CCSER1: variants seen among roughly 807,000 people sequenced by gnomAD.
CCSER1 encodes serine-rich coiled-coil domain-containing protein 1.
Under a neutral mutation model 82.0 loss-of-function variants are expected in CCSER1, and 41 were observed. That is an observed-to-expected ratio of 0.50 (90% CI 0.39 to 0.65). The LOEUF is 0.65. Ranked by LOEUF, CCSER1 falls within the 30% of genes least tolerant of loss-of-function variation. CCSER1 has a pLI of 0.00. For missense variants in CCSER1, 1,119 were observed against 1,064.2 expected (o/e 1.05, Z -0.72); for synonymous variants, 414 against 383.9 (o/e 1.08, Z -0.92).
Position 90,368,797 on chromosome 4 carries a change from T to A in CCSER1, c.1510-31239T>A, listed in dbSNP as rs912037406. On this transcript the variant is annotated intron_variant, in intron 3 of 10. Transcript: ENST00000509176. ...ACACACACACACACTACTAAAAAAA[T>A]TTAAATGACAACCAAAAAGTCTTTT... is the stretch of plus-strand genomic sequence containing the variant. Among the ~76,000 whole-genome samples the A allele has an allele frequency of 5.3e-5, 8 of 151,664 alleles. 1 individual carries two copies. The highest frequency in any genetic ancestry group is 3.9e-4 in the East Asian group (2 of 5,178).
At chr4:90,674,391 A>G (rs1449099374) in intron 6 of CCSER1, among the ~76,000 whole-genome samples, 1 of 151,876 alleles carries the variant, frequency 6.6e-6, no homozygotes, top group Non-Finnish European at 1.5e-5. Flanking sequence ...TGACTCTAGC[A>G]TGATGAAGGG....
At chr4:91,155,204 A>T (rs1034437848) in intron 10 of CCSER1, among the ~76,000 whole-genome samples, 2 of 151,894 alleles carry the variant, frequency 1.3e-5, no homozygotes, top group African/African-American at 4.8e-5. Context: ...CCCACGTTTC[A>T]TGGGAGGGAC....
chr4:91,089,215 A>G (rs576254269), intron 10 of CCSER1, among the ~76,000 whole-genome samples: 11 of 152,354 alleles, frequency 7.2e-5, no homozygotes, highest in African/African-American at 2.6e-4. Flanking sequence ...AGGGGCTGCA[A>G]GCACCAGCAA....
At chr4:91,066,595 A>C (rs1165488336) in intron 9 of CCSER1, among the ~76,000 whole-genome samples, 1 of 152,190 alleles carries the variant, frequency 6.6e-6, no homozygotes, top group African/African-American at 2.4e-5. Flanking sequence ...GTGAATAGAT[A>C]ATTATTCTTC....
chr4:90,146,435 G>A (rs992065745), intron 1 of CCSER1, among the ~76,000 whole-genome samples: 1 of 151,680 alleles, frequency 6.6e-6, no homozygotes, highest in Non-Finnish European at 1.5e-5. Flanking sequence ...TCTCTTTTAC[G>A]GTGCATATTA....
chr4:91,487,128 T>C (rs1758264130), intron 10 of CCSER1, among the ~76,000 whole-genome samples: 1 of 152,136 alleles, frequency 6.6e-6, no homozygotes, highest in Non-Finnish European at 1.5e-5. Context: ...ATACAGGATA[T>C]ATTTTTTGCC....
chr4:91,260,661 A>G (rs990319108), intron 10 of CCSER1, among the ~76,000 whole-genome samples: 1 of 152,212 alleles, frequency 6.6e-6, no homozygotes. Flanking sequence ...AAAAGACTCT[A>G]AAGAGTGATA....
rs570680503 is a variant in CCSER1 at position 90,609,933 on chromosome 4, G to A, written c.1725-18092G>A. ...TAATTTGGATTACAGAAGAAAAAGT[G>A]CTATTTATTCACATAGAATATCAAT... On this transcript the variant is annotated intron_variant, in intron 5 of 10. Transcript: ENST00000509176. Among the ~76,000 whole-genome samples the A allele has an allele frequency of 2.6e-5, 4 of 152,228 alleles. No individual in the cohort carries two copies. In the South Asian group the frequency reaches 8.3e-4, roughly 32 times the overall value.
At chr4:91,323,278 C>T (rs1746317473) in intron 10 of CCSER1, among the ~76,000 whole-genome samples, 1 of 152,132 alleles carries the variant, frequency 6.6e-6, no homozygotes, top group Non-Finnish European at 1.5e-5. Context: ...CAGTGGTTCT[C>T]AAGCTTTAGT....
intron 5 of CCSER1, among the ~76,000 whole-genome samples, chr4:90,576,639 C>T (rs1162189803): frequency 6.6e-6 from 1 of 152,012 alleles, no homozygotes; most frequent in Non-Finnish European, 1.5e-5. Context: ...TTTCAGTTTA[C>T]CTCTTTCGCT....
chr4:90,752,870 C>T (rs1410068263), intron 7 of CCSER1, among the ~76,000 whole-genome samples: 3 of 152,134 alleles, frequency 2.0e-5, no homozygotes, highest in Non-Finnish European at 4.4e-5. Flanking sequence ...ATTTGATTCT[C>T]ATCCCATAAT....
chr4:90,800,224 C>A (rs1756615130), intron 7 of CCSER1, among the ~76,000 whole-genome samples: 1 of 152,102 alleles, frequency 6.6e-6, no homozygotes, highest in Non-Finnish European at 1.5e-5. Flanking sequence ...CAGAAAGGAA[C>A]TTTTAATATA....
intron 7 of CCSER1, among the ~76,000 whole-genome samples, chr4:90,728,860 C>T (rs1455196488): frequency 1.3e-5 from 2 of 152,138 alleles, no homozygotes; most frequent in Non-Finnish European, 2.9e-5. Flanking sequence ...TATCAATCTT[C>T]AACTCTGGGG....
chr4:91,405,505 C>T (rs749128742), intron 10 of CCSER1, among the ~76,000 whole-genome samples: 1 of 152,154 alleles, frequency 6.6e-6, no homozygotes, highest in Non-Finnish European at 1.5e-5. Context: ...AAGAAACTAC[C>T]ATCAGAGTGA....
chr4:90,776,666 T>G (rs1752935034), intron 7 of CCSER1, among the ~76,000 whole-genome samples: 1 of 152,244 alleles, frequency 6.6e-6, no homozygotes, highest in South Asian at 2.1e-4. Flanking sequence ...ATTATTTACA[T>G]GTATTAACAC....
intron 5 of CCSER1, among the ~76,000 whole-genome samples, chr4:90,596,577 CAT>C (rs1783370927): frequency 6.6e-6 from 1 of 151,644 alleles, no homozygotes; most frequent in South Asian, 2.1e-4. Context: ...AGCTTAGGTA[CAT>C]AGTTTACTGC....
intron 7 of CCSER1, among the ~76,000 whole-genome samples, chr4:90,789,323 T>C (rs1754928784): frequency 6.6e-6 from 1 of 152,202 alleles, no homozygotes; most frequent in South Asian, 2.1e-4. Context: ...CCAAAGCTAT[T>C]GTGACACCCT....
intron 10 of CCSER1, among the ~76,000 whole-genome samples, chr4:91,242,555 A>G (rs1432080193): frequency 1.3e-5 from 2 of 152,224 alleles, no homozygotes; most frequent in East Asian, 3.9e-4. Flanking sequence ...GCAAGAAAAC[A>G]TATGAGAAAA....
rs185443433 is a variant in CCSER1, at chr4:91,285,649, G to T, written c.2217+199655G>T. ...TGCAATATTTACCAATATGTACCAC[G>T]ATAAAATGGATATTACCTTCCTAAA... On this transcript the variant is annotated intron_variant, in intron 10 of 10. Transcript: ENST00000509176. Among the ~76,000 whole-genome samples the T allele has an allele frequency of 4.7e-4, 71 of 151,928 alleles. No individual in the cohort carries two copies. In the East Asian group the frequency reaches 0.011, roughly 23 times the overall value.
Sources: allele counts gnomAD v4.1 joint callset (sites outside exome capture counted in the v4.1 genomes callset), GRCh38; gene constraint gnomAD v4.1.1; transcripts MANE v1.5; gene names NCBI Gene and HGNC (gene_info 2026-07-23, HGNC 2026-07-21).